The following DPP6 variants were observed in gnomAD, a reference collection of about 807,000 sequenced individuals.
The protein encoded by DPP6 is dipeptidyl peptidase like 6.
A neutral mutation model predicts 122.6 loss-of-function variants in DPP6; 69 were observed. The ratio of observed to expected loss-of-function variants is 0.56; its 90% CI spans 0.46 to 0.69. The LOEUF (loss-of-function observed/expected upper bound fraction) is 0.69, where lower values mean the gene tolerates loss of function less well. Ranked by LOEUF, DPP6 falls within the 30% of genes least tolerant of loss-of-function variation. DPP6 has a pLI of 0.00. For missense variants in DPP6, 928 were observed against 1,116.9 expected, an observed-to-expected ratio of 0.83 and a Z score of 2.41; for synonymous variants, 418 against 433.1, an observed-to-expected ratio of 0.97 and a Z score of 0.43.
intron 5 of DPP6, chr7:154,587,564 C>A (rs1563898794): frequency 7.0e-7 from 1 of 1,431,086 alleles, no homozygotes; most frequent in Non-Finnish European, 9.3e-7. Context: ...CGATCCCCAA[C>A]TTCCCATGCC....
At chr7:154,023,361 C>CACAG (rs1269497103) in intron 1 of DPP6, among the ~76,000 whole-genome samples, 1 of 151,192 alleles carries the variant, frequency 6.6e-6, no homozygotes, top group East Asian at 1.9e-4. Flanking sequence ...CACACACACA[C>CACAG]TTCTTAAGTC....
intron 1 of DPP6, among the ~76,000 whole-genome samples, chr7:154,087,844 CAT>C (rs1401113778): frequency 2.0e-5 from 3 of 152,208 alleles, no homozygotes; most frequent in Non-Finnish European, 4.4e-5. Context: ...CATATAGACA[CAT>C]ATGTATGCAA....
chr7:154,221,748 G>A (rs1800319525), intron 1 of DPP6, among the ~76,000 whole-genome samples: 1 of 152,158 alleles, frequency 6.6e-6, no homozygotes, highest in Admixed American at 6.5e-5. Context: ...AGCTGGCTAT[G>A]TGAAGGCATC....
intron 4 of DPP6, among the ~76,000 whole-genome samples, chr7:154,551,907 A>G (rs1024373616): frequency 1.3e-5 from 2 of 152,290 alleles, no homozygotes; most frequent in Admixed American, 6.5e-5. Flanking sequence ...TACCTCTTGA[A>G]TGGAGGCAAT....
At chr7:153,839,794 C>T in the DPP6 span, among the ~76,000 whole-genome samples, 18 of 152,300 alleles carry the variant, frequency 1.2e-4, no homozygotes, top group East Asian at 1.9e-3. Flanking sequence ...TGCTGGGAAC[C>T]GCCCCCCTGT....
chr7:153,885,405 A>G (rs1297824148), upstream of DPP6, among the ~76,000 whole-genome samples: 1 of 151,898 alleles, frequency 6.6e-6, no homozygotes, highest in Admixed American at 6.6e-5. Flanking sequence ...GGGGCTGAGG[A>G]CTTTGGGAGG....
At chr7:154,580,469 C>A (rs1220607709) in intron 5 of DPP6, among the ~76,000 whole-genome samples, 1 of 152,184 alleles carries the variant, frequency 6.6e-6, no homozygotes, top group Non-Finnish European at 1.5e-5. Flanking sequence ...CCTGAGACTG[C>A]CCCTCACCTG....
intron 1 of DPP6, among the ~76,000 whole-genome samples, chr7:153,926,212 T>C (rs535353260): frequency 6.6e-6 from 1 of 152,354 alleles, no homozygotes; most frequent in South Asian, 2.1e-4. Flanking sequence ...CATGTACACC[T>C]TTCTATCTTT....
At chr7:153,943,838 C>T (rs1010520610) in intron 1 of DPP6, among the ~76,000 whole-genome samples, 3 of 145,730 alleles carry the variant, frequency 2.1e-5, no homozygotes, top group African/African-American at 7.4e-5. Context: ...ATTTAAGCAT[C>T]TCTATGCCCC....
chr7:153,970,916 C>T (rs990789465), intron 1 of DPP6, among the ~76,000 whole-genome samples: 6 of 152,100 alleles, frequency 3.9e-5, no homozygotes, highest in East Asian at 3.9e-4. Flanking sequence ...AAAATCAGGT[C>T]GTTTAAGTCT....
At chr7:154,039,127 G>A (rs917633891) in intron 1 of DPP6, among the ~76,000 whole-genome samples, 1 of 37,976 alleles carries the variant, frequency 2.6e-5, no homozygotes, top group African/African-American at 1.4e-4. Flanking sequence ...TGAAACGTAT[G>A]GTTATAAAGC....
intron 1 of DPP6, among the ~76,000 whole-genome samples, chr7:154,166,673 G>C (rs1202321139): frequency 7.0e-6 from 1 of 141,952 alleles, no homozygotes; most frequent in East Asian, 2.0e-4. Context: ...CAATTTGGGA[G>C]GCTGAGGCAG....
At chr7:154,226,506 G>A (rs10280940) in intron 1 of DPP6, among the ~76,000 whole-genome samples, 17,894 of 152,122 alleles carry the variant, frequency 0.12, 2,578 homozygotes, top group African/African-American at 0.34. Flanking sequence ...GGGATTCTTC[G>A]GGGGGCCTTT....
At chr7:153,886,902 C>G (rs920857831), upstream of DPP6, among the ~76,000 whole-genome samples, 2 of 152,116 alleles carry the variant, frequency 1.3e-5, no homozygotes, top group African/African-American at 4.8e-5. Flanking sequence ...CGGCTGCGGA[C>G]GGCGGCTCCA....
At chr7:154,557,603 G>T (rs989139437) in intron 4 of DPP6, among the ~76,000 whole-genome samples, 2 of 152,106 alleles carry the variant, frequency 1.3e-5, no homozygotes, top group Non-Finnish European at 2.9e-5. Context: ...AAGAGGATTG[G>T]AATTACCCTC....
chr7:154,712,800 G>C (rs1841265796), intron 7 of DPP6, among the ~76,000 whole-genome samples: 1 of 152,130 alleles, frequency 6.6e-6, no homozygotes, highest in Admixed American at 6.5e-5. Flanking sequence ...GATATGGGTG[G>C]GGACACAGCC....
intron 1 of DPP6, among the ~76,000 whole-genome samples, chr7:154,047,201 A>G (rs952350474): frequency 2.7e-5 from 4 of 149,570 alleles, no homozygotes; most frequent in Non-Finnish European, 5.9e-5. Context: ...TTGGTCCTTC[A>G]CAAGGCATGC....
the DPP6 span, among the ~76,000 whole-genome samples, chr7:153,843,185 C>T: frequency 4.0e-5 from 6 of 151,708 alleles, no homozygotes; most frequent in African/African-American, 1.5e-4. Context: ...AGTGCATACA[C>T]ACGCGTGCAT....
At chr7:154,668,468 C>T (rs1024786967) in intron 6 of DPP6, among the ~76,000 whole-genome samples, 2 of 151,756 alleles carry the variant, frequency 1.3e-5, no homozygotes, top group Non-Finnish European at 2.9e-5. Flanking sequence ...GATCGACCGC[C>T]TCAGCCTCCC....
Sources: allele counts gnomAD v4.1 joint callset (sites outside exome capture counted in the v4.1 genomes callset), GRCh38; gene constraint gnomAD v4.1.1; transcripts MANE v1.5; gene names NCBI Gene and HGNC (gene_info 2026-07-23, HGNC 2026-07-21).